The following FGF14 variants were observed in gnomAD, a reference collection of about 807,000 sequenced individuals.
FGF14 encodes fibroblast growth factor homologous factor 4.
Under a neutral mutation model 25.5 loss-of-function variants are expected in FGF14, and 5 were observed. The ratio of observed to expected loss-of-function variants is 0.20; its 90% confidence interval spans 0.10 to 0.41. FGF14 has a LOEUF of 0.41. Among genes scored for constraint, FGF14 ranks in the 10% least tolerant of loss-of-function variants. FGF14 has a pLI of 1.00. For synonymous variants in FGF14, 138 were observed against 118.3 expected (o/e 1.17, Z -1.08); for missense variants, 222 against 320.1 (o/e 0.69, Z 2.34).
chr13:102,132,511 CTTTCTTT>C (rs2046242496), intron 1 of FGF14, among the ~76,000 whole-genome samples: 1 of 132,154 alleles, frequency 7.6e-6, no homozygotes. Flanking sequence ...TTCTTTCTTT[CTTTCTTT>C]TTTTTTTTTT....
intron 3 of FGF14, among the ~76,000 whole-genome samples, chr13:101,841,221 T>C (rs1182835961): frequency 6.6e-6 from 1 of 151,958 alleles, no homozygotes; most frequent in African/African-American, 2.4e-5. Flanking sequence ...TACTTTATTA[T>C]TTTTTTCTCA....
At chr13:101,948,470 AAT>A (rs71125033) in intron 1 of FGF14, among the ~76,000 whole-genome samples, 5 of 146,044 alleles carry the variant, frequency 3.4e-5, no homozygotes, top group African/African-American at 1.3e-4. Context: ...ATAATAAAAA[AAT>A]ATATATATAT....
At chr13:102,308,005 G>T (rs181290857) in intron 1 of FGF14, among the ~76,000 whole-genome samples, 2 of 152,252 alleles carry the variant, frequency 1.3e-5, no homozygotes, top group African/African-American at 4.8e-5. Flanking sequence ...AAATAGTGCT[G>T]CTAAAGCCAG....
intron 1 of FGF14, among the ~76,000 whole-genome samples, 191 bp from the exon 2 acceptor site, chr13:101,875,487 T>C (rs961343111): frequency 6.6e-6 from 1 of 152,144 alleles, no homozygotes; most frequent in Non-Finnish European, 1.5e-5. Context: ...GGAAATGCAG[T>C]AGTAAGCCAC....
chr13:101,719,082 G>A lies in FGF14; in HGVS notation c.*3749C>T, dbSNP rs1487643164. ...ATTATTTTCATCTTGTTCTCAACTG[G>A]ATGTTAGTCAATGTGGTCTCTTTTT... is the stretch of plus-strand genomic sequence containing the variant. On this transcript the variant is annotated 3_prime_UTR_variant, in exon 5 of 5. Coordinates refer to ENST00000376143, the MANE Select transcript of FGF14 (RefSeq NM_004115.4). The A allele has an allele frequency of 1.3e-5, 2 of 152,074 alleles. No individual in the cohort carries two copies. The highest frequency in any genetic ancestry group is 1.3e-4 in the Admixed American group (2 of 15,252). The allele number at this position is 152,074 out of a possible 1,614,324, so 9.4% of individuals were successfully genotyped here.
chr13:102,353,126 ATATACC>A lies in FGF14; in HGVS notation c.208+48339_208+48344del, dbSNP rs370968309. Among the ~76,000 whole-genome samples, 816 of 152,350 alleles carry A rather than the reference ATATACC, an allele frequency of 5.4e-3. 10 individuals are homozygous for A. The highest frequency in any genetic ancestry group is 0.019 in the African/African-American group (777 of 41,584). On this transcript the variant is annotated intron_variant, in intron 1 of 4. Transcript: ENST00000376131. ...ACCATTATATCTAAAAATAAAAGCA[ATATACC>A]TAGTAAAAATGTATATTGGACTCAT...
intron 1 of FGF14, among the ~76,000 whole-genome samples, chr13:102,286,591 A>G (rs1038233535): frequency 1.3e-5 from 2 of 152,294 alleles, no homozygotes; most frequent in African/African-American, 4.8e-5. Context: ...CCTAATGGGT[A>G]CTTGTTAAAT....
chr13:101,834,156 G>T (rs1226936930), intron 3 of FGF14, among the ~76,000 whole-genome samples: 1 of 152,042 alleles, frequency 6.6e-6, no homozygotes, highest in Non-Finnish European at 1.5e-5. Flanking sequence ...AGTAGATTTT[G>T]CACTTTAGGT....
At chr13:102,301,947 C>T (rs768311472) in intron 1 of FGF14, among the ~76,000 whole-genome samples, 2 of 151,862 alleles carry the variant, frequency 1.3e-5, no homozygotes, top group Non-Finnish European at 2.9e-5. Flanking sequence ...ATGCCCACCA[C>T]CATATCTGAC....
intron 1 of FGF14, among the ~76,000 whole-genome samples, chr13:102,152,484 G>T (rs2140509720): frequency 6.6e-6 from 1 of 152,242 alleles, no homozygotes; most frequent in African/African-American, 2.4e-5. Flanking sequence ...TTCTCATAAG[G>T]ATACAAGTCA....
chr13:102,257,368 T>TTTTTC (rs1324599457), intron 1 of FGF14, among the ~76,000 whole-genome samples: 5 of 144,638 alleles, frequency 3.5e-5, no homozygotes, highest in Admixed American at 6.9e-5. Flanking sequence ...TTTTTTTTTT[T>TTTTTC]CGAGACGGAG....
intron 3 of FGF14, among the ~76,000 whole-genome samples, chr13:101,842,558 G>A (rs781641311): frequency 1.1e-4 from 16 of 151,948 alleles, no homozygotes; most frequent in Non-Finnish European, 2.4e-4. Context: ...ATGTGCTACT[G>A]GACGCCTGGG....
intron 1 of FGF14, among the ~76,000 whole-genome samples, chr13:102,340,693 A>G (rs1443850266): frequency 6.6e-6 from 1 of 152,208 alleles, no homozygotes; most frequent in African/African-American, 2.4e-5. Flanking sequence ...CTTAAAATCT[A>G]TATGTGGATC....
chr13:101,790,875 CATTAT>C (rs1365415780), intron 3 of FGF14, among the ~76,000 whole-genome samples: 1 of 152,086 alleles, frequency 6.6e-6, no homozygotes, highest in African/African-American at 2.4e-5. Flanking sequence ...CCTTGCAATT[CATTAT>C]ATTTGTTTTT....
intron 1 of FGF14, among the ~76,000 whole-genome samples, chr13:101,892,217 C>A (rs1442881026): frequency 6.6e-6 from 1 of 152,054 alleles, no homozygotes; most frequent in African/African-American, 2.4e-5. Context: ...CTTATCTAAA[C>A]TCTTAATTTT....
In FGF14 at chr13:101,750,705, A is replaced by G. The variant is rs534519579; in HGVS notation, c.409-23895T>C. On this transcript the variant is annotated intron_variant, in intron 3 of 4. Transcript: ENST00000376143. The stretch of plus-strand genomic sequence containing the variant: ...ACCTTGATCCTTGGTGTTTACTCAA[A>G]TGAGTTGGAAACTTACATCCACACA... 1.0e-3 allele frequency among the ~76,000 whole-genome samples: 158 copies of G among 152,278 alleles called. 1 individual carries two copies. Among genetic ancestry groups the G allele is most frequent in the African/African-American group, 3.7e-3 (152 of 41,572 alleles).
intron 1 of FGF14, among the ~76,000 whole-genome samples, chr13:101,877,753 G>A (rs955234828): frequency 3.9e-5 from 6 of 152,168 alleles, no homozygotes; most frequent in Non-Finnish European, 8.8e-5. Flanking sequence ...GCAAAGGTTA[G>A]AAAGGATCAA....
intron 3 of FGF14, among the ~76,000 whole-genome samples, chr13:101,847,791 G>C (rs1447426219): frequency 6.6e-6 from 1 of 151,998 alleles, no homozygotes; most frequent in Non-Finnish European, 1.5e-5. Flanking sequence ...GCAGAATACA[G>C]TTGATCTCAG....
chr13:102,284,917 C>A (rs1224775740), intron 1 of FGF14, among the ~76,000 whole-genome samples: 1 of 151,940 alleles, frequency 6.6e-6, no homozygotes, highest in Non-Finnish European at 1.5e-5. Flanking sequence ...CTATTTCTCT[C>A]TCTCTCTCCC....
Sources: allele counts gnomAD v4.1 joint callset (sites outside exome capture counted in the v4.1 genomes callset), GRCh38; gene constraint gnomAD v4.1.1; transcripts MANE v1.5; gene names NCBI Gene and HGNC (gene_info 2026-07-23, HGNC 2026-07-21).